The following EZR variants were observed in gnomAD, a reference collection of about 807,000 sequenced individuals.
EZR encodes the protein ezrin, also known as cytovillin 2.
EZR carries 40 observed loss-of-function variants against 74.8 expected under a neutral mutation model. The observed-to-expected ratio is 0.53, with a 90% CI of 0.42 to 0.70. The LOEUF (loss-of-function observed/expected upper bound fraction) is 0.70. EZR is among the 30% of genes least tolerant of loss of function. The pLI is 0.00. For missense variants in EZR, 678 were observed against 755.8 expected, an observed-to-expected ratio of 0.90 and a Z score of 1.21; for synonymous variants, 341 against 283.3, an observed-to-expected ratio of 1.20 and a Z score of -2.05.
intron 2 of EZR, among the ~76,000 whole-genome samples, chr6:158,792,336 C>T (rs1311897101): frequency 1.3e-5 from 2 of 152,084 alleles, no homozygotes; most frequent in Non-Finnish European, 2.9e-5. Flanking sequence ...CTCGGCCTCC[C>T]AAGCAGCTGG....
intron 2 of EZR, among the ~76,000 whole-genome samples, chr6:158,799,143 T>TA (rs1446561875): frequency 1.3e-5 from 2 of 152,134 alleles, no homozygotes; most frequent in African/African-American, 4.8e-5. Context: ...TGAAGTCATT[T>TA]AAGACATATG....
chr6:158,798,622 C>A (rs1407068018), intron 2 of EZR, among the ~76,000 whole-genome samples: 1 of 122,202 alleles, frequency 8.2e-6, no homozygotes, highest in Non-Finnish European at 1.7e-5. Context: ...TGCTGCTCCG[C>A]TTTTTTTTTT....
intron 8 of EZR, among the ~76,000 whole-genome samples, chr6:158,771,667 G>A (rs1340441838): frequency 1.3e-5 from 2 of 152,158 alleles, no homozygotes; most frequent in African/African-American, 2.4e-5. Flanking sequence ...GGCAGGTGCC[G>A]CGTGTGTGTG....
At chr6:158,786,317 TGA>T (rs906200702) in intron 4 of EZR, among the ~76,000 whole-genome samples, 2 of 152,092 alleles carry the variant, frequency 1.3e-5, no homozygotes, top group Admixed American at 6.5e-5. Flanking sequence ...GAGGTTGCAG[TGA>T]GCCAAGATCG....
At chr6:158,793,475 A>G (rs1044986006) in intron 2 of EZR, among the ~76,000 whole-genome samples, 1 of 152,158 alleles carries the variant, frequency 6.6e-6, no homozygotes, top group Non-Finnish European at 1.5e-5. Context: ...AAGAGAAGAT[A>G]CTCAAAATCT....
intron 1 of EZR, among the ~76,000 whole-genome samples, chr6:158,818,826 AG>A (rs2128579037): frequency 9.1e-5 from 1 of 10,974 alleles, no homozygotes; most frequent in South Asian, 2.2e-3. Flanking sequence ...GGGAGGGGTC[AG>A]GGGAGAGGGG....
chr6:158,767,002 A>C lies in EZR; in HGVS notation c.1673T>G (p.Met558Arg). 1.2e-6 allele frequency: 2 copies of C among 1,613,940 alleles called. No homozygotes were observed. Among genetic ancestry groups the C allele is most frequent in the Non-Finnish European group, 1.7e-6 (2 of 1,179,986 alleles). ...THNDIIHNEN[M>R]RQGRDKYKTL... Reference sequence around the variant, plus strand: ...CTTGTACTTGTCCCGGCCTTGCCTCATGTTCTCGTTGTGGATGATGTCATT... The same window carrying C: ...CTTGTACTTGTCCCGGCCTTGCCTCCTGTTCTCGTTGTGGATGATGTCATT... The change falls in exon 14 of 14, where the codon ATG (methionine) becomes AGG (arginine). Residue 558 changes from methionine to arginine, a missense_variant. Around this residue, in one of 3 missense-constraint regions of EZR, gnomAD observed 342 missense variants for 341.2 expected, o/e 1.00. Transcript: ENST00000367075.
At position 158,774,672 on chromosome 6, in the gene EZR, A is replaced by AACACACACACACAC. The variant is rs56400693; in HGVS notation, c.795+1722_795+1735dup. The stretch of plus-strand genomic sequence containing the variant: ...TTTTCAAGAGATGGACTTATCATCA[A>AACACACACACACAC]ACACACACACACACACACACACACA... On this transcript the variant is annotated intron_variant, in intron 8 of 13. Coordinates refer to ENST00000367075, the MANE Select transcript of EZR (RefSeq NM_001111077.2). Among the ~76,000 whole-genome samples the AACACACACACACAC allele has an allele frequency of 9.1e-4, 130 of 142,510 alleles. No homozygotes were observed. In the East Asian group the frequency reaches 9.2e-3, roughly 10 times the overall value. 93.5% of individuals were successfully genotyped at this position (142,510 alleles called of 152,430 possible).
At chr6:158,771,066 C>G (rs757868904) in intron 9 of EZR, among the ~76,000 whole-genome samples, 172 bp from the exon 10 acceptor site, 2 of 152,224 alleles carry the variant, frequency 1.3e-5, no homozygotes, top group Non-Finnish European at 2.9e-5. Flanking sequence ...GGGCTGACAA[C>G]AGGCTCAGCA....
chr6:158,788,239 T>C lies in EZR; in HGVS notation c.97-1036A>G, dbSNP rs569206660. 2.0e-5 allele frequency: 3 copies of C among 152,316 alleles called. No homozygotes were observed. The East Asian group carries it at 5.8e-4, about 29-fold the overall frequency. The allele number at this position is 152,316 out of a possible 1,614,324, so 9.4% of individuals were successfully genotyped here. ...TAACTCCTGATCTGGGCCTGTTTCT[T>C]CATCTGAAGGGTGCAGGGAGGCCAG... is the stretch of plus-strand genomic sequence containing the variant. On this transcript the variant is annotated intron_variant, in intron 3 of 13. Transcript: ENST00000367075.
rs1219162267 is a variant in EZR at position 158,766,646 on chromosome 6, A to T, written c.*268T>A. 1 of 415,912 alleles carries T rather than the reference A, an allele frequency of 2.4e-6. No homozygotes were observed. Among genetic ancestry groups the T allele is most frequent in the East Asian group, 4.0e-5 (1 of 24,712 alleles). 25.8% of individuals were successfully genotyped at this position (415,912 alleles called of 1,614,324 possible). ...TCAGACTTTACAGGCATTTTCCGTA[A>T]TTCAATCAGTCCTGCTCCCAGCACA... On this transcript the variant is annotated 3_prime_UTR_variant, in exon 14 of 14. Coordinates refer to ENST00000367075, the MANE Select transcript of EZR (RefSeq NM_001111077.2).
chr6:158,797,032 C>T (rs1777086127), intron 2 of EZR, among the ~76,000 whole-genome samples: 1 of 152,136 alleles, frequency 6.6e-6, no homozygotes, highest in Non-Finnish European at 1.5e-5. Context: ...CAAATTATTT[C>T]CCAGGTATTT....
chr6:158,788,820 G>C (rs1791652861), intron 3 of EZR, among the ~76,000 whole-genome samples: 1 of 151,972 alleles, frequency 6.6e-6, no homozygotes, highest in Admixed American at 6.6e-5. Flanking sequence ...AGATGTTCAG[G>C]TACGATCACT....
chr6:158,818,652 C>T (rs1468340292), intron 1 of EZR, among the ~76,000 whole-genome samples: 1 of 144,986 alleles, frequency 6.9e-6, no homozygotes, highest in African/African-American at 2.6e-5. Flanking sequence ...GTGCACCCAG[C>T]GGAGAGAGGC....
At position 158,770,849 on chromosome 6, in the gene EZR, T is replaced by C. The variant is rs202086677; in HGVS notation, c.1005A>G (p.Arg335=). The change falls in exon 10 of 14, where the codon AGA becomes AGG. Residue 335 remains arginine, a synonymous_variant. Transcript: ENST00000367075. The stretch of plus-strand genomic sequence containing the variant: ...TCTCGCGCATCATCTGCTCTTTCTC[T>C]CTCTCCACGGTTTCTCTCCTTTTCT... ...TEKKRRETVE[R]EKEQMMREKE... is the part of the protein sequence containing the mutation. The C allele has an allele frequency of 1.2e-6, 2 of 1,614,088 alleles. No individual in the cohort carries two copies. The highest frequency in any genetic ancestry group is 1.3e-5 in the African/African-American group (1 of 74,924).
intron 2 of EZR, among the ~76,000 whole-genome samples, chr6:158,794,319 C>A (rs1777014585): frequency 6.6e-6 from 1 of 152,134 alleles, no homozygotes; most frequent in Non-Finnish European, 1.5e-5. Flanking sequence ...GCACCAGCAC[C>A]AGCACCACCA....
rs765806455 is a variant in EZR at position 158,766,991 on chromosome 6, G to A, written c.1684C>T (p.Arg562Trp). 34 of 1,614,054 alleles carry A rather than the reference G, an allele frequency of 2.1e-5. No homozygotes were observed. The highest frequency in any genetic ancestry group is 2.7e-5 in the African/African-American group (2 of 74,908). Reference protein sequence around the residue: ...IIHNENMRQGRDKYKTLRQIR... With the variant: ...IIHNENMRQGWDKYKTLRQIR... ...TGCCGCAGCGTCTTGTACTTGTCCC[G>A]GCCTTGCCTCATGTTCTCGTTGTGG... Residue 562 changes from arginine to tryptophan, a missense_variant, in exon 14 of 14, where the codon CGG becomes TGG. By Grantham distance (101) the Arg-to-Trp change is moderately radical. Coordinates refer to ENST00000367075, the MANE Select transcript of EZR (RefSeq NM_001111077.2).
chr6:158,787,279 T>C, intron 3 of EZR, 76 bp from the exon 4 acceptor site: 4 of 1,234,960 alleles, frequency 3.2e-6, no homozygotes, highest in Non-Finnish European at 4.7e-6. Context: ...CTGTCGTTCA[T>C]CACATGGTCT....
intron 8 of EZR, 133 bp from the exon 9 acceptor site, chr6:158,771,540 A>G (rs1791111313): frequency 1.0e-5 from 10 of 984,976 alleles, no homozygotes; most frequent in Non-Finnish European, 1.5e-5. Flanking sequence ...GCATCTCGGC[A>G]CTAGGAATGT....
Sources: gnomAD v4.1 joint callset for allele counts (sites outside exome capture counted in the v4.1 genomes callset) on GRCh38, gnomAD v4.1.1 for gene constraint, gnomAD v4.1.1 regional missense constraint, MANE v1.5 for transcripts, NCBI Gene and HGNC (gene_info 2026-07-23, HGNC 2026-07-21) for gene names.